PHOSPHO1: variants seen among roughly 807,000 people sequenced by gnomAD.
PHOSPHO1 encodes the protein phosphoethanolamine/phosphocholine phosphatase 1, also known as phosphoethanolamine/phosphocholine phosphatase.
Under a neutral mutation model 17.7 loss-of-function variants are expected in PHOSPHO1, and 6 were observed. The ratio of observed to expected loss-of-function variants is 0.34; its 90% CI spans 0.19 to 0.67. The LOEUF (loss-of-function observed/expected upper bound fraction) is 0.67, where lower values mean the gene tolerates loss of function less well. Among genes scored for constraint, PHOSPHO1 ranks in the 30% least tolerant of loss-of-function variants. The pLI, the probability that PHOSPHO1 is intolerant of heterozygous loss-of-function variation, is 0.69. For missense variants in PHOSPHO1, 330 were observed against 392.1 expected (o/e 0.84, Z 1.34); for synonymous variants, 159 against 174.6 (o/e 0.91, Z 0.71).
chr17:49,226,626 C>T (rs201237679), intron 2 of PHOSPHO1, 21 bp downstream of exon 2: 24 of 1,613,712 alleles, frequency 1.5e-5, no homozygotes, highest in South Asian at 1.1e-5. Context: ...TCCTAGGAGA[C>T]CCCTGGAGGG....
Position 49,223,847 on chromosome 17 carries a change from A to T in PHOSPHO1, c.*399T>A. ...TTTCAGGATCCTGGGTTCCCTCCAC[A>T]GTAGACTGGAGGAGGGGCGGTCACG... On this transcript the variant is annotated 3_prime_UTR_variant, in exon 3 of 3. Coordinates refer to ENST00000310544, the MANE Select transcript of PHOSPHO1 (RefSeq NM_178500.4). 1 of 180,978 alleles carries T rather than the reference A, an allele frequency of 5.5e-6. No homozygotes were observed. Among genetic ancestry groups the T allele is most frequent in the Non-Finnish European group, 1.1e-5 (1 of 87,240 alleles). The allele number at this position is 180,978 out of a possible 1,614,324, so 11.2% of individuals were successfully genotyped here.
chr17:49,225,756 C>A (rs750190530), intron 2 of PHOSPHO1: 3 of 1,278,014 alleles, frequency 2.3e-6, no homozygotes, highest in Non-Finnish European at 2.0e-6. Flanking sequence ...GTAAGAGCCT[C>A]CCGCACCAGG....
At chr17:49,228,668 T>C (rs1199366098) in intron 1 of PHOSPHO1, among the ~76,000 whole-genome samples, 1 of 151,434 alleles carries the variant, frequency 6.6e-6, no homozygotes. Context: ...CGGGCGCCTG[T>C]AGTCCCAGCT....
At chr17:49,225,157 G>A in intron 2 of PHOSPHO1, 153 bp from the exon 3 acceptor site, 1 of 1,434,496 alleles carries the variant, frequency 7.0e-7, no homozygotes, top group South Asian at 1.5e-5. Flanking sequence ...GTCTGGTTAA[G>A]CTGGGAGGAG....
chr17:49,229,869 GGAACCGCGATTA>G (rs1189829466), intron 1 of PHOSPHO1, among the ~76,000 whole-genome samples: 1 of 152,178 alleles, frequency 6.6e-6, no homozygotes, highest in African/African-American at 2.4e-5. Context: ...ACACAGCATC[GGAACCGCGATTA>G]GAACTCAGGA....
Position 49,225,365 on chromosome 17 carries a change from TG to T in PHOSPHO1, c.46-362del, listed in dbSNP as rs2043343390. On this transcript the variant is annotated intron_variant, in intron 2 of 2. Coordinates refer to ENST00000310544, the MANE Select transcript of PHOSPHO1 (RefSeq NM_178500.4). ...AGGATCACCACTTTGGGGAGGTTTC[TG>T]GACTGGACTGTTTTGGAGACTTCCA... 3 of 985,304 alleles carry T rather than the reference TG, an allele frequency of 3.0e-6. No individual in the cohort carries two copies. In the South Asian group the frequency reaches 1.4e-4, roughly 46 times the overall value. The allele number at this position is 985,304 out of a possible 1,614,324, so 61.0% of individuals were successfully genotyped here.
intron 2 of PHOSPHO1, chr17:49,225,532 G>T: frequency 8.2e-7 from 1 of 1,215,494 alleles, no homozygotes; most frequent in Non-Finnish European, 1.0e-6. Context: ...GGGCCATGGG[G>T]AATCTATGGC....
intron 2 of PHOSPHO1, chr17:49,225,640 A>G (rs1300034480): frequency 7.7e-7 from 1 of 1,291,520 alleles, no homozygotes. Flanking sequence ...CTGACAGCTC[A>G]TCACTAATCA....
At position 49,223,684 on chromosome 17, in the gene PHOSPHO1, G is replaced by C. The variant is rs1191707449; in HGVS notation, c.*562C>G. The C allele has an allele frequency of 6.5e-6, 1 of 152,992 alleles. No homozygotes were observed. The highest frequency in any genetic ancestry group is 2.4e-5 in the African/African-American group (1 of 41,456). 9.5% of individuals were successfully genotyped at this position (152,992 alleles called of 1,614,324 possible). On this transcript the variant is annotated 3_prime_UTR_variant, in exon 3 of 3. Coordinates refer to ENST00000310544, the MANE Select transcript of PHOSPHO1 (RefSeq NM_178500.4). ...CTTTGGGGGTGCTAGAAGGGAGTGCGGGGGTCGGGAGGCAAGAGAGTGTGG... is the reference window on the plus strand; with the variant it reads ...CTTTGGGGGTGCTAGAAGGGAGTGCCGGGGTCGGGAGGCAAGAGAGTGTGG...
intron 2 of PHOSPHO1, chr17:49,225,732 T>G: frequency 1.6e-6 from 2 of 1,285,258 alleles, no homozygotes; most frequent in Non-Finnish European, 2.0e-6. Flanking sequence ...GGAGAAGCAG[T>G]GGGGCTTGGG....
chr17:49,228,119 T>C (rs1444304034), intron 1 of PHOSPHO1, among the ~76,000 whole-genome samples: 4 of 152,026 alleles, frequency 2.6e-5, no homozygotes. Context: ...AAAGCAAACA[T>C]GCAGCATCTG....
chr17:49,224,989 C>T lies in PHOSPHO1; in HGVS notation c.61G>A (p.Ala21Thr), dbSNP rs1462398879. 2.6e-6 allele frequency: 4 copies of T among 1,537,404 alleles called. No homozygotes were observed. The highest frequency in any genetic ancestry group is 2.4e-5 in the South Asian group (2 of 82,362). The change falls in exon 3 of 3, where the codon GCG (alanine) becomes ACG (threonine). Residue 21 changes from alanine (A) to threonine (T), a missense_variant. Ala to Thr is a moderately conservative substitution (Grantham distance 58, BLOSUM62 0). Coordinates refer to ENST00000310544, the MANE Select transcript of PHOSPHO1 (RefSeq NM_178500.4). ...RCLSRDGRMAAQGAPRFLLTF... is the reference protein window; with the variant it reads ...RCLSRDGRMATQGAPRFLLTF... ...AGGAGGAAGCGCGGCGCGCCCTGCG[C>T]GGCCATCCTGCCGTCCTGGGAGCAG...
Position 49,224,551 on chromosome 17 carries a change from T to G in PHOSPHO1, c.499A>C (p.Ser167Arg). The change falls in exon 3 of 3, where the codon AGC (serine) becomes CGC (arginine). Residue 167 changes from serine (S) to arginine (R), a missense_variant. By Grantham distance (110) the Ser-to-Arg change is moderately radical. Transcript: ENST00000310544. ...ATGTTGGCGGGGCAGCGCGCGCAGCTGTGTGTGTGGAACGGCCGCAGAGCC... is the reference window on the plus strand; with the variant it reads ...ATGTTGGCGGGGCAGCGCGCGCAGCGGTGTGTGTGGAACGGCCGCAGAGCC... ...LLALRPFHTHSCARCPANMCK... is the reference protein window; with the variant it reads ...LLALRPFHTHRCARCPANMCK... The G allele has an allele frequency of 6.4e-7, 1 of 1,567,198 alleles. No homozygotes were observed. Among genetic ancestry groups the G allele is most frequent in the East Asian group, 2.4e-5 (1 of 42,276 alleles).
At chr17:49,225,880 G>C (rs983689717) in intron 2 of PHOSPHO1, 1 of 1,177,740 alleles carries the variant, frequency 8.5e-7, no homozygotes, top group Admixed American at 3.7e-5. Flanking sequence ...TGGAGGAGAG[G>C]GCTGAGAGGA....
rs2043336164 is a variant in PHOSPHO1 at position 49,224,971 on chromosome 17, AGCGCGGCGCGCCCT to A, written c.65_78del (p.Gln22LeufsTer318). The A allele has an allele frequency of 2.6e-6, 4 of 1,559,782 alleles. No homozygotes were observed. The highest frequency in any genetic ancestry group is 1.4e-5 in the African/African-American group (1 of 73,756). On this transcript the variant is annotated frameshift_variant, in exon 3 of 3. Coordinates refer to ENST00000310544, the MANE Select transcript of PHOSPHO1 (RefSeq NM_178500.4). LOFTEE classifies it high-confidence loss of function. ...TCGTCGAAGTCGAAGGTCAGGAGGAAGCGCGGCGCGCCCTGCGCGGCCATCCTGCCGTCCTGGGA... is the reference window on the plus strand; with the variant it reads ...TCGTCGAAGTCGAAGGTCAGGAGGAAGCGCGGCCATCCTGCCGTCCTGGGA...
chr17:49,226,029 C>T (rs945178725), intron 2 of PHOSPHO1, among the ~76,000 whole-genome samples: 1 of 151,760 alleles, frequency 6.6e-6, no homozygotes. Flanking sequence ...TGGGAGAGGA[C>T]AGAGGACAAG....
chr17:49,224,869 C>T lies in PHOSPHO1; in HGVS notation c.181G>A (p.Ala61Thr). 6.2e-7 allele frequency: 1 copy of T among 1,605,752 alleles called. No homozygotes were observed. Among genetic ancestry groups the T allele is most frequent in the Non-Finnish European group, 8.5e-7 (1 of 1,176,890 alleles). Reference sequence around the variant, plus strand: ...TTGTAGAAGCCCTCGCGGTAGGTGGCTCGCAGGCTCTCCGGGAGCCGCTGG... The same window carrying T: ...TTGTAGAAGCCCTCGCGGTAGGTGGTTCGCAGGCTCTCCGGGAGCCGCTGG... ...PGQRLPESLR[A>T]TYREGFYNEY... Residue 61 changes from alanine to threonine, a missense_variant, in exon 3 of 3, where the codon GCC becomes ACC. By Grantham distance (58) the Ala-to-Thr change is moderately conservative. Transcript: ENST00000310544.
At chr17:49,225,105 G>C in intron 2 of PHOSPHO1, 101 bp from the exon 3 acceptor site, 2 of 1,442,378 alleles carry the variant, frequency 1.4e-6, no homozygotes, top group Non-Finnish European at 9.1e-7. Flanking sequence ...AGCGGGCCAC[G>C]GCCAGAGGCG....
rs750465938 is a variant in PHOSPHO1, at chr17:49,224,239, G to A, written c.*7C>T. On this transcript the variant is annotated 3_prime_UTR_variant, in exon 3 of 3. Transcript: ENST00000310544. ...TGGCCCGGGTACCCCCCTGCAGGCG[G>A]CCAGACTCAGCACGACTTCAGCACC... is the stretch of plus-strand genomic sequence containing the variant. The A allele has an allele frequency of 1.9e-6, 3 of 1,556,358 alleles. No individual in the cohort carries two copies. Among genetic ancestry groups the A allele is most frequent in the South Asian group, 1.2e-5 (1 of 86,260 alleles).
Sources: gnomAD v4.1 joint callset for allele counts (sites outside exome capture counted in the v4.1 genomes callset) on GRCh38, gnomAD v4.1.1 for gene constraint, MANE v1.5 for transcripts, NCBI Gene and HGNC (gene_info 2026-07-23, HGNC 2026-07-21) for gene names.